ARF4: variants seen among roughly 807,000 people sequenced by gnomAD.
ARF4 encodes ARF GTPase 4.
Under a neutral mutation model 24.3 loss-of-function variants are expected in ARF4, and 5 were observed. The ratio of observed to expected loss-of-function variants is 0.21; its 90% confidence interval spans 0.11 to 0.43. ARF4 has a LOEUF of 0.43. ARF4 is among the 20% of genes least tolerant of loss of function. ARF4 has a pLI of 1.00. For synonymous variants in ARF4, 62 were observed against 73.5 expected (o/e 0.84, Z 0.80); for missense variants, 107 against 213.0 (o/e 0.50, Z 3.10).
At chr3:57,582,922 G>A (rs994944448) in intron 3 of ARF4, among the ~76,000 whole-genome samples, 3 of 152,186 alleles carry the variant, frequency 2.0e-5, no homozygotes, top group Non-Finnish European at 2.9e-5. Flanking sequence ...TAGAACAGTG[G>A]TTCTCAGCAG....
intron 1 of ARF4, among the ~76,000 whole-genome samples, chr3:57,590,161 T>TA (rs1252308644): frequency 1.3e-5 from 2 of 149,360 alleles, no homozygotes; most frequent in Non-Finnish European, 3.0e-5. Flanking sequence ...AGAACATCTA[T>TA]AAAAAACCTA....
At chr3:57,578,838 C>G (rs2069936952) in intron 3 of ARF4, among the ~76,000 whole-genome samples, 1 of 150,904 alleles carries the variant, frequency 6.6e-6, no homozygotes, top group Admixed American at 6.6e-5. Context: ...ACTAGTTGAA[C>G]TGTTTTTCTA....
intron 1 of ARF4, among the ~76,000 whole-genome samples, chr3:57,593,550 T>A (rs551641813): frequency 6.6e-6 from 1 of 152,176 alleles, no homozygotes; most frequent in Non-Finnish European, 1.5e-5. Context: ...TACACTGATA[T>A]CAGCAAACTT....
rs1317473875 is a variant in ARF4, at chr3:57,597,105, T to C, written c.36A>G (p.Leu12=). 27 of 1,613,990 alleles carry C rather than the reference T, an allele frequency of 1.7e-5. No individual in the cohort carries two copies. Among genetic ancestry groups the C allele is most frequent in the Non-Finnish European group, 2.2e-5 (26 of 1,179,948 alleles). The part of the protein sequence containing the change: ...GLTISSLFSR[L]FGKKQMRILM... ...AAATGCGCATCTGCTTCTTGCCAAA[T>C]AGTCGGGAGAAGAGGGAGGAGATAG... is the stretch of plus-strand genomic sequence containing the variant. Residue 12 remains leucine, a synonymous_variant, in exon 1 of 6, where the codon CTA becomes CTG. Transcript: ENST00000303436.
chr3:57,573,859 GGT>G (rs1453279299), intron 5 of ARF4, among the ~76,000 whole-genome samples: 2 of 152,218 alleles, frequency 1.3e-5, no homozygotes, highest in East Asian at 3.8e-4. Context: ...TGGGATTACA[GGT>G]GTGAGCCACC....
intron 1 of ARF4, among the ~76,000 whole-genome samples, chr3:57,585,141 A>G (rs2070021467): frequency 6.6e-6 from 1 of 152,130 alleles, no homozygotes; most frequent in African/African-American, 2.4e-5. Context: ...TGGGATTACA[A>G]GCGTGAGCCA....
rs1055297293 is a variant in ARF4 at position 57,597,173 on chromosome 3, G to A, written c.-33C>T. On this transcript the variant is annotated 5_prime_UTR_variant, in exon 1 of 6. Coordinates refer to ENST00000303436, the MANE Select transcript of ARF4 (RefSeq NM_001660.4). The stretch of plus-strand genomic sequence containing the variant: ...GTGGCACTTGTGATGGGCAGAAGCA[G>A]AAGGGGTTTGGGGCGACCCCGTGCT... The A allele has an allele frequency of 1.2e-5, 19 of 1,598,890 alleles. No homozygotes were observed. Among genetic ancestry groups the A allele is most frequent in the Admixed American group, 1.7e-5 (1 of 59,754 alleles).
Position 57,580,467 on chromosome 3 carries a change from C to A in ARF4, c.259-3080G>T, listed in dbSNP as rs542347391. On this transcript the variant is annotated intron_variant, in intron 3 of 5. Transcript: ENST00000303436. Reference sequence around the variant, plus strand: ...CCCAGGCTGGAGTACAGAGGCGCAACTGTAGCTCACTTCAGCCTCCAACTC... The same window carrying A: ...CCCAGGCTGGAGTACAGAGGCGCAAATGTAGCTCACTTCAGCCTCCAACTC... 3.9e-5 allele frequency among the ~76,000 whole-genome samples: 6 copies of A among 152,288 alleles called. No individual in the cohort carries two copies. The South Asian group carries it at 8.3e-4, about 21-fold the overall frequency.
chr3:57,574,686 T>C (rs1236577350), intron 5 of ARF4, among the ~76,000 whole-genome samples: 1 of 151,952 alleles, frequency 6.6e-6, no homozygotes, highest in East Asian at 1.9e-4. Flanking sequence ...GGATTACGGG[T>C]GTGAGCCGTG....
intron 4 of ARF4, 32 bp downstream of exon 4, chr3:57,577,284 T>C (rs1383977159): frequency 6.4e-7 from 1 of 1,574,672 alleles, no homozygotes. Context: ...AAGCACACCT[T>C]GAAAATGATG....
chr3:57,596,743 G>A (rs2070192471), intron 1 of ARF4: 2 of 297,038 alleles, frequency 6.7e-6, no homozygotes, highest in Non-Finnish European at 1.3e-5. Flanking sequence ...CCCAGAAAGG[G>A]CCTCGCCAAG....
intron 1 of ARF4, among the ~76,000 whole-genome samples, chr3:57,590,055 AC>A (rs2070089872): frequency 2.7e-5 from 4 of 150,450 alleles, no homozygotes; most frequent in Admixed American, 1.3e-4. Flanking sequence ...ATGCCACTGC[AC>A]TCCAGCCTGG....
At chr3:57,596,752 A>T in intron 1 of ARF4, 1 of 312,796 alleles carries the variant, frequency 3.2e-6, no homozygotes, top group Non-Finnish European at 6.1e-6. Flanking sequence ...GGCCTCGCCA[A>T]GTGTTTGCTT....
At chr3:57,595,698 C>A (rs1217549517) in intron 1 of ARF4, among the ~76,000 whole-genome samples, 1 of 152,142 alleles carries the variant, frequency 6.6e-6, no homozygotes, top group Admixed American at 6.5e-5. Flanking sequence ...CCTGTAATCC[C>A]AGCACTCTGG....
At chr3:57,577,603 C>T (rs1165795247) in intron 3 of ARF4, among the ~76,000 whole-genome samples, 2 of 152,186 alleles carry the variant, frequency 1.3e-5, no homozygotes, top group Non-Finnish European at 2.9e-5. Flanking sequence ...TTTTATTCTT[C>T]ACCAATTAAT....
At chr3:57,580,405 C>G (rs1370300482) in intron 3 of ARF4, among the ~76,000 whole-genome samples, 1 of 151,774 alleles carries the variant, frequency 6.6e-6, no homozygotes, top group Non-Finnish European at 1.5e-5. Flanking sequence ...TTTGTTTCTT[C>G]TTTTTTTCAA....
chr3:57,577,400 T>C lies in ARF4; in HGVS notation c.259-13A>G. 6.2e-7 allele frequency: 1 copy of C among 1,611,176 alleles called. No homozygotes were observed. The highest frequency in any genetic ancestry group is 8.5e-7 in the Non-Finnish European group (1 of 1,177,612). On this transcript the variant is annotated splice_polypyrimidine_tract_variant and intron_variant, in intron 3 of 5. Coordinates refer to ENST00000303436, the MANE Select transcript of ARF4 (RefSeq NM_001660.4). ...CAAAAATAAGACCCTGGGGAAAAAT[T>C]GTTTCAGTAAATTTTAACAGTTAAA...
At chr3:57,592,589 C>A (rs1384455784) in intron 1 of ARF4, among the ~76,000 whole-genome samples, 1 of 152,154 alleles carries the variant, frequency 6.6e-6, no homozygotes, top group Non-Finnish European at 1.5e-5. Flanking sequence ...CTTCTACACA[C>A]GGATGAGAAA....
chr3:57,583,845 T>G (rs2070005111), intron 3 of ARF4, 53 bp downstream of exon 3: 1 of 1,287,874 alleles, frequency 7.8e-7, no homozygotes, highest in Non-Finnish European at 1.1e-6. Context: ...AATAAAAACT[T>G]TAGAGCATGA....
Sources: gnomAD v4.1 joint callset for allele counts (sites outside exome capture counted in the v4.1 genomes callset) on GRCh38, gnomAD v4.1.1 for gene constraint, MANE v1.5 for transcripts, NCBI Gene and HGNC (gene_info 2026-07-23, HGNC 2026-07-21) for gene names.